Variants in CSMD1 observed in about 807,000 individuals in gnomAD.
CSMD1 encodes CUB and sushi domain-containing protein 1.
In CSMD1, 213 loss-of-function variants were observed where a neutral mutation model predicts 417.5. The observed-to-expected ratio is 0.51, with a 90% CI of 0.46 to 0.57. The LOEUF (loss-of-function observed/expected upper bound fraction) is 0.57. Ranked by LOEUF, CSMD1 falls within the 20% of genes least tolerant of loss-of-function variation. CSMD1 has a pLI of 0.00. For synonymous variants in CSMD1, 2,862 were observed against 1,736.8 expected (o/e 1.65, Z -16.11); for missense variants, 6,923 against 4,529.7 (o/e 1.53, Z -15.17).
At chr8:4,863,916 A>G (rs914928046) in intron 1 of CSMD1, among the ~76,000 whole-genome samples, 5 of 149,306 alleles carry the variant, frequency 3.3e-5, no homozygotes, top group Admixed American at 6.7e-5. Flanking sequence ...AGGAAGTGAA[A>G]TGTTATTTTT....
At chr8:4,650,057 T>C (rs947749158) in intron 1 of CSMD1, among the ~76,000 whole-genome samples, 1 of 152,176 alleles carries the variant, frequency 6.6e-6, no homozygotes, top group Non-Finnish European at 1.5e-5. Context: ...CGTGTGAATA[T>C]GTAGAAGACA....
intron 3 of CSMD1, among the ~76,000 whole-genome samples, chr8:4,114,662 A>T (rs10093241): frequency 6.6e-6 from 1 of 152,202 alleles, no homozygotes; most frequent in Non-Finnish European, 1.5e-5. Flanking sequence ...GCTAGATGCC[A>T]TTAAGAAAAA....
chr8:2,965,444 C>T (rs1325264780), intron 59 of CSMD1, among the ~76,000 whole-genome samples: 1 of 152,142 alleles, frequency 6.6e-6, no homozygotes, highest in East Asian at 1.9e-4. Context: ...ACACCTCACA[C>T]AGCTAGGGTC....
Position 4,602,874 on chromosome 8 carries a change from T to A in CSMD1, c.302+34468A>T, listed in dbSNP as rs1214735344. Among the ~76,000 whole-genome samples the A allele has an allele frequency of 2.0e-5, 3 of 151,986 alleles. No homozygotes were observed. In the East Asian group the frequency reaches 5.8e-4, roughly 29 times the overall value. Reference sequence around the variant, plus strand: ...AAAGAAATCTTTTATTATAATTATATAAATAATAACGCTATCATATAATGA... The same window carrying A: ...AAAGAAATCTTTTATTATAATTATAAAAATAATAACGCTATCATATAATGA... On this transcript the variant is annotated intron_variant, in intron 2 of 69. Transcript: ENST00000635120.
intron 1 of CSMD1, among the ~76,000 whole-genome samples, chr8:4,946,700 T>A (rs1166344712): frequency 6.6e-6 from 1 of 152,154 alleles, no homozygotes; most frequent in Non-Finnish European, 1.5e-5. Flanking sequence ...TCACTCACTC[T>A]CCCCAAAGGT....
chr8:3,267,361 C>T (rs938921398), intron 26 of CSMD1, among the ~76,000 whole-genome samples: 2 of 152,188 alleles, frequency 1.3e-5, no homozygotes, highest in African/African-American at 4.8e-5. Flanking sequence ...GGTGTTGATG[C>T]ATTGGAAGAT....
At chr8:3,512,614 T>C (rs1018192336) in intron 10 of CSMD1, among the ~76,000 whole-genome samples, 7 of 150,812 alleles carry the variant, frequency 4.6e-5, no homozygotes, top group Non-Finnish European at 7.4e-5. Context: ...TTTTTTTTTT[T>C]TTTTTAAGAC....
intron 3 of CSMD1, among the ~76,000 whole-genome samples, chr8:4,339,125 A>G (rs1800336444): frequency 6.6e-6 from 1 of 152,106 alleles, no homozygotes; most frequent in South Asian, 2.1e-4. Flanking sequence ...AGGCAGAAAT[A>G]TATTCCAACT....
chr8:4,365,389 G>T (rs943028768), intron 3 of CSMD1, among the ~76,000 whole-genome samples: 4 of 152,226 alleles, frequency 2.6e-5, no homozygotes, highest in African/African-American at 9.6e-5. Flanking sequence ...TATTTTAGGT[G>T]TTCTTTTTAA....
At chr8:4,882,211 T>C (rs1361251086) in intron 1 of CSMD1, among the ~76,000 whole-genome samples, 1 of 151,896 alleles carries the variant, frequency 6.6e-6, no homozygotes, top group African/African-American at 2.4e-5. Flanking sequence ...GTGGTGGATT[T>C]CCCACACACT....
chr8:4,076,876 T>A (rs920842772), intron 3 of CSMD1, among the ~76,000 whole-genome samples: 2 of 152,166 alleles, frequency 1.3e-5, no homozygotes, highest in African/African-American at 2.4e-5. Flanking sequence ...TTTTTTCCAT[T>A]ATCTTTCCAG....
intron 3 of CSMD1, among the ~76,000 whole-genome samples, chr8:4,267,710 C>G (rs1804308202): frequency 6.6e-6 from 1 of 152,070 alleles, no homozygotes; most frequent in Non-Finnish European, 1.5e-5. Flanking sequence ...GACTTTACAT[C>G]CTCACCAAAG....
intron 39 of CSMD1, among the ~76,000 whole-genome samples, 194 bp downstream of exon 39, chr8:3,157,703 G>A (rs146381481): frequency 2.9e-4 from 44 of 152,322 alleles, no homozygotes; most frequent in African/African-American, 8.7e-4. Context: ...CTGAGAAGAC[G>A]GAGTTGCTGC....
intron 2 of CSMD1, among the ~76,000 whole-genome samples, chr8:4,431,597 G>A (rs1243733304): frequency 6.6e-6 from 1 of 152,082 alleles, no homozygotes; most frequent in Non-Finnish European, 1.5e-5. Context: ...CTACCTCTTT[G>A]TGGCAAAAAC....
At chr8:4,276,909 G>A (rs1350250261) in intron 3 of CSMD1, among the ~76,000 whole-genome samples, 1 of 152,072 alleles carries the variant, frequency 6.6e-6, no homozygotes, top group South Asian at 2.1e-4. Context: ...ATGTAATAGA[G>A]TACTGGAATT....
chr8:3,610,297 T>C (rs1003401746), intron 8 of CSMD1, among the ~76,000 whole-genome samples: 1 of 152,146 alleles, frequency 6.6e-6, no homozygotes, highest in Non-Finnish European at 1.5e-5. Flanking sequence ...ATTTTGAATG[T>C]CAAGGAGGGA....
At chr8:4,743,056 T>A (rs1385692375) in intron 1 of CSMD1, among the ~76,000 whole-genome samples, 1 of 152,186 alleles carries the variant, frequency 6.6e-6, no homozygotes, top group East Asian at 1.9e-4. Flanking sequence ...TTGTATTTTA[T>A]TACATTAATT....
chr8:4,041,611 C>A (rs1435330814), intron 3 of CSMD1, among the ~76,000 whole-genome samples: 5 of 151,812 alleles, frequency 3.3e-5, no homozygotes, highest in Non-Finnish European at 7.4e-5. Context: ...GTAATAAGCA[C>A]GCAAAAAAGT....
intron 2 of CSMD1, among the ~76,000 whole-genome samples, chr8:4,530,346 C>CTTTTTTTTTTTTTTTTTT (rs1195374053): frequency 2.9e-3 from 181 of 62,072 alleles, no homozygotes; most frequent in Non-Finnish European, 3.7e-3. Context: ...TTTTTTTTTA[C>CTTTTTTTTTTTTTTTTTT]TTTCAGTGCT....
Sources: gnomAD v4.1 joint callset for allele counts (sites outside exome capture counted in the v4.1 genomes callset) on GRCh38, gnomAD v4.1.1 for gene constraint, MANE v1.5 for transcripts, NCBI Gene and HGNC (gene_info 2026-07-23, HGNC 2026-07-21) for gene names.